PRIM2: variants seen among roughly 807,000 people sequenced by gnomAD.
The protein encoded by PRIM2 is DNA primase subunit 2.
In PRIM2, 39 loss-of-function variants were observed where a neutral mutation model predicts 67.3. The ratio of observed to expected loss-of-function variants is 0.58; its 90% CI spans 0.45 to 0.76. The LOEUF is 0.76. PRIM2 is among the 30% of genes least tolerant of loss of function. The pLI is 0.00. For missense variants in PRIM2, 398 were observed against 598.7 expected (o/e 0.66, Z 3.50); for synonymous variants, 143 against 198.7 (o/e 0.72, Z 2.36).
intron 5 of PRIM2, among the ~76,000 whole-genome samples, chr6:57,372,607 C>T (rs1769602736): frequency 6.6e-6 from 1 of 152,158 alleles, no homozygotes; most frequent in Non-Finnish European, 1.5e-5. Context: ...CCTCCTCTCA[C>T]CTCCCACCCT....
At chr6:57,459,609 C>G (rs931111495) in intron 7 of PRIM2, among the ~76,000 whole-genome samples, 1 of 152,104 alleles carries the variant, frequency 6.6e-6, no homozygotes, top group Non-Finnish European at 1.5e-5. Flanking sequence ...CCCGGAAACT[C>G]AGGTAAGAGT....
At chr6:57,288,362 C>G in the PRIM2 span, among the ~76,000 whole-genome samples, 2 of 152,204 alleles carry the variant, frequency 1.3e-5, no homozygotes, top group Admixed American at 1.3e-4. Context: ...CCTCTGTGGG[C>G]AGGGCATATC....
chr6:57,515,431 T>C (rs1581964026), intron 8 of PRIM2, among the ~76,000 whole-genome samples: 1 of 152,218 alleles, frequency 6.6e-6, no homozygotes, highest in Admixed American at 6.5e-5. Flanking sequence ...GCCTAGGTAG[T>C]GTATAGCTTT....
chr6:57,234,025 T>A, the PRIM2 span, among the ~76,000 whole-genome samples: 1 of 152,162 alleles, frequency 6.6e-6, no homozygotes, highest in Admixed American at 6.5e-5. Flanking sequence ...AATAGATGTA[T>A]GATTTTCTGC....
At chr6:57,356,432 A>G (rs1769034771) in intron 5 of PRIM2, among the ~76,000 whole-genome samples, 2 of 152,350 alleles carry the variant, frequency 1.3e-5, no homozygotes, top group African/African-American at 4.8e-5. Flanking sequence ...ATGATAATGT[A>G]TAGGGAGAAC....
At chr6:57,272,226 G>A in the PRIM2 span, among the ~76,000 whole-genome samples, 2 of 152,050 alleles carry the variant, frequency 1.3e-5, no homozygotes, top group Admixed American at 6.6e-5. Flanking sequence ...TTGACAGTGG[G>A]GTGTTAAAGT....
intron 8 of PRIM2, among the ~76,000 whole-genome samples, chr6:57,517,932 G>T (rs1159566437): frequency 6.6e-6 from 1 of 152,152 alleles, no homozygotes; most frequent in African/African-American, 2.4e-5. Context: ...GATGCCACAA[G>T]GGGTCTATGG....
intron 10 of PRIM2, among the ~76,000 whole-genome samples, chr6:57,543,007 C>T (rs1305187899): frequency 7.9e-6 from 1 of 127,374 alleles, no homozygotes; most frequent in Non-Finnish European, 1.6e-5. Context: ...GGCGCAATCT[C>T]GGCTCACTGC....
At chr6:57,452,613 C>T (rs1772595766) in intron 7 of PRIM2, among the ~76,000 whole-genome samples, 1 of 152,084 alleles carries the variant, frequency 6.6e-6, no homozygotes, top group Admixed American at 6.5e-5. Context: ...TATCCTTTGC[C>T]CACTTGTTGA....
chr6:57,381,099 T>C (rs914782836), intron 6 of PRIM2, among the ~76,000 whole-genome samples: 3 of 152,152 alleles, frequency 2.0e-5, no homozygotes, highest in African/African-American at 7.2e-5. Context: ...ACCTATTTGG[T>C]GCAGTATCAC....
At chr6:57,642,210 T>C (rs1487045361) in intron 13 of PRIM2, among the ~76,000 whole-genome samples, 28,075 of 151,406 alleles carry the variant, frequency 0.19, 2,714 homozygotes, top group African/African-American at 0.24. Context: ...GAGGGAAATA[T>C]CACACACCAG....
chr6:57,398,337 C>G (rs1770593519), intron 7 of PRIM2, among the ~76,000 whole-genome samples: 2 of 152,072 alleles, frequency 1.3e-5, no homozygotes, highest in African/African-American at 2.4e-5. Flanking sequence ...CCCAGAAATT[C>G]TAATATGTTG....
chr6:57,463,361 C>T (rs36012031), intron 7 of PRIM2, among the ~76,000 whole-genome samples: 3 of 152,094 alleles, frequency 2.0e-5, no homozygotes, highest in Admixed American at 2.0e-4. Flanking sequence ...GTGTGGTGGC[C>T]TGCAGCTGTT....
intron 7 of PRIM2, among the ~76,000 whole-genome samples, chr6:57,452,396 A>G (rs1772586835): frequency 6.6e-6 from 1 of 152,216 alleles, no homozygotes; most frequent in Non-Finnish European, 1.5e-5. Context: ...TTACAGTCCC[A>G]CCAACAGTGT....
In PRIM2 at chr6:57,646,380, A is replaced by ATT; in HGVS notation, c.*230_*231dup. The ATT allele has an allele frequency of 6.3e-6, 3 of 475,022 alleles. No homozygotes were observed. Among genetic ancestry groups the ATT allele is most frequent in the Non-Finnish European group, 7.5e-6 (2 of 267,490 alleles). 29.4% of individuals were successfully genotyped at this position (475,022 alleles called of 1,614,324 possible). A position where few individuals can be genotyped will look rare whatever the true frequency, so the allele number is the denominator to read the frequency against. On this transcript the variant is annotated 3_prime_UTR_variant, in exon 14 of 14. Coordinates refer to ENST00000615550, the MANE Select transcript of PRIM2 (RefSeq NM_000947.5). The stretch of plus-strand genomic sequence containing the variant: ...CCTCATATCCAGATAATTTTTTTCA[A>ATT]TTTTTTTTTGTAGAGGTGGGGGGTC...
chr6:57,484,435 T>A (rs1293785813), intron 7 of PRIM2, among the ~76,000 whole-genome samples: 6 of 152,284 alleles, frequency 3.9e-5, no homozygotes, highest in African/African-American at 1.4e-4. Flanking sequence ...CTGAACTCAG[T>A]TTGCTTGGAC....
intron 7 of PRIM2, among the ~76,000 whole-genome samples, chr6:57,434,463 A>G (rs1056732242): frequency 6.6e-6 from 1 of 152,110 alleles, no homozygotes; most frequent in African/African-American, 2.4e-5. Context: ...TTGCCCTGAA[A>G]AGCCCCAGTT....
chr6:57,582,401 T>G (rs1211799519), intron 10 of PRIM2, among the ~76,000 whole-genome samples: 1 of 152,170 alleles, frequency 6.6e-6, no homozygotes, highest in Non-Finnish European at 1.5e-5. Context: ...GTCCTCAACT[T>G]GATAATTATA....
chr6:57,480,314 C>T (rs1324309339), intron 7 of PRIM2, among the ~76,000 whole-genome samples: 28 of 152,222 alleles, frequency 1.8e-4, no homozygotes, highest in Admixed American at 6.5e-4. Context: ...GTTTTACATA[C>T]ACAGGAAGTT....
Sources: allele counts gnomAD v4.1 joint callset (sites outside exome capture counted in the v4.1 genomes callset), GRCh38; gene constraint gnomAD v4.1.1; transcripts MANE v1.5; gene names NCBI Gene and HGNC (gene_info 2026-07-23, HGNC 2026-07-21).